Variants in ADGRB3 observed in about 807,000 individuals in gnomAD.
The protein encoded by ADGRB3 is brain-specific angiogenesis inhibitor 3.
In ADGRB3, 37 loss-of-function variants were observed where a neutral mutation model predicts 193.4. The observed-to-expected ratio is 0.19, with a 90% CI of 0.15 to 0.25. The LOEUF is 0.25. Ranked by LOEUF, ADGRB3 falls within the 10% of genes least tolerant of loss-of-function variation. The pLI is 1.00. For synonymous variants in ADGRB3, 690 were observed against 644.2 expected, an observed-to-expected ratio of 1.07 and a Z score of -1.08; for missense variants, 1,637 against 1,852.9, an observed-to-expected ratio of 0.88 and a Z score of 2.14.
At position 68,904,870 on chromosome 6, in the gene ADGRB3, A is replaced by G. The variant is rs1038181630; in HGVS notation, c.758-25689A>G. On this transcript the variant is annotated intron_variant, in intron 3 of 31. Coordinates refer to ENST00000370598, the MANE Select transcript of ADGRB3 (RefSeq NM_001704.3). Reference sequence around the variant, plus strand: ...ATTCCTTCAATAAACACCCAATCTAATGAAGCTTTATTATGATTTTCATCA... The same window carrying G: ...ATTCCTTCAATAAACACCCAATCTAGTGAAGCTTTATTATGATTTTCATCA... Among the ~76,000 whole-genome samples the G allele has an allele frequency of 4.6e-5, 7 of 152,152 alleles. 1 individual carries two copies. The highest frequency in any genetic ancestry group is 4.6e-4 in the Admixed American group (7 of 15,250).
chr6:68,971,788 A>G (rs1768578698), intron 8 of ADGRB3, among the ~76,000 whole-genome samples: 1 of 152,254 alleles, frequency 6.6e-6, no homozygotes, highest in East Asian at 1.9e-4. Context: ...AACATTTACT[A>G]ACTTTTCTTC....
chr6:68,902,946 G>A (rs1766438537), intron 3 of ADGRB3, among the ~76,000 whole-genome samples: 1 of 152,056 alleles, frequency 6.6e-6, no homozygotes. Flanking sequence ...TCTGATTATG[G>A]AATGTAGAAA....
chr6:69,076,864 T>C (rs1772247290), intron 17 of ADGRB3, among the ~76,000 whole-genome samples: 1 of 151,986 alleles, frequency 6.6e-6, no homozygotes, highest in Non-Finnish European at 1.5e-5. Flanking sequence ...ACTGTATGTA[T>C]TCTAAGAATT....
intron 3 of ADGRB3, among the ~76,000 whole-genome samples, chr6:68,768,063 A>G (rs903791342): frequency 1.3e-5 from 2 of 152,302 alleles, no homozygotes; most frequent in African/African-American, 4.8e-5. Context: ...TGGAAAAAAC[A>G]TTCTATTCTC....
At chr6:69,167,221 T>C (rs1438700594) in intron 17 of ADGRB3, among the ~76,000 whole-genome samples, 1 of 152,140 alleles carries the variant, frequency 6.6e-6, no homozygotes, top group African/African-American at 2.4e-5. Flanking sequence ...GCCTATAGTA[T>C]AGAGAGAAAT....
intron 17 of ADGRB3, among the ~76,000 whole-genome samples, chr6:69,078,452 TTAAA>T (rs892764490): frequency 1.3e-5 from 2 of 152,058 alleles, no homozygotes; most frequent in African/African-American, 4.8e-5. Context: ...CACACTATTT[TTAAA>T]TAAATGTTTT....
intron 17 of ADGRB3, among the ~76,000 whole-genome samples, chr6:69,223,029 A>G (rs1258079238): frequency 6.6e-6 from 1 of 152,002 alleles, no homozygotes; most frequent in Non-Finnish European, 1.5e-5. Context: ...TCGTGCAGCC[A>G]CTCCACCCAT....
At chr6:68,946,914 T>A (rs1276450765) in intron 6 of ADGRB3, among the ~76,000 whole-genome samples, 2 of 152,164 alleles carry the variant, frequency 1.3e-5, no homozygotes, top group Admixed American at 1.3e-4. Flanking sequence ...GATATATACC[T>A]ATAAGTAGAT....
At chr6:69,087,661 T>G (rs905997698) in intron 17 of ADGRB3, among the ~76,000 whole-genome samples, 4 of 152,150 alleles carry the variant, frequency 2.6e-5, no homozygotes, top group East Asian at 1.9e-4. Context: ...GATACTTTGT[T>G]ATAGCAGCCC....
intron 3 of ADGRB3, among the ~76,000 whole-genome samples, chr6:68,661,767 A>G (rs1768668086): frequency 6.6e-6 from 1 of 150,814 alleles, no homozygotes; most frequent in African/African-American, 2.4e-5. Context: ...GCAAATAGTT[A>G]TCATGAAGGA....
At chr6:69,073,633 C>T (rs1772143928) in intron 16 of ADGRB3, among the ~76,000 whole-genome samples, 1 of 152,114 alleles carries the variant, frequency 6.6e-6, no homozygotes, top group African/African-American at 2.4e-5. Context: ...ATGTTGTGAA[C>T]CTCCCAAGGC....
chr6:69,216,374 A>C (rs1582552445), intron 17 of ADGRB3, among the ~76,000 whole-genome samples: 2 of 152,318 alleles, frequency 1.3e-5, no homozygotes, highest in African/African-American at 4.8e-5. Context: ...CAAGTAATGT[A>C]ATTTGAAGGG....
chr6:68,870,799 C>A (rs1430352505), intron 3 of ADGRB3, among the ~76,000 whole-genome samples: 1 of 152,098 alleles, frequency 6.6e-6, no homozygotes, highest in Non-Finnish European at 1.5e-5. Flanking sequence ...TTTCATGAGG[C>A]TAGACCAGTA....
intron 20 of ADGRB3, among the ~76,000 whole-genome samples, chr6:69,319,267 C>G (rs1316359091): frequency 6.6e-6 from 1 of 150,998 alleles, no homozygotes; most frequent in African/African-American, 2.4e-5. Context: ...AAGCTTTTTC[C>G]TCCAAAAGGT....
chr6:69,210,170 A>G (rs7765847), intron 17 of ADGRB3, among the ~76,000 whole-genome samples: 2 of 131,780 alleles, frequency 1.5e-5, no homozygotes, highest in African/African-American at 3.0e-5. Flanking sequence ...ATATATATAT[A>G]AAGGGGAGTT....
At chr6:68,846,810 C>T (rs1247739913) in intron 3 of ADGRB3, among the ~76,000 whole-genome samples, 1 of 148,812 alleles carries the variant, frequency 6.7e-6, no homozygotes, top group Non-Finnish European at 1.5e-5. Context: ...AGAGCCCTCA[C>T]ACAGAGTCCC....
chr6:69,368,584 T>C (rs1054061638), intron 29 of ADGRB3, among the ~76,000 whole-genome samples: 1 of 152,066 alleles, frequency 6.6e-6, no homozygotes, highest in African/African-American at 2.4e-5. Flanking sequence ...GAATGAATTA[T>C]GGTATCCAGA....
chr6:69,372,566 T>C, intron 30 of ADGRB3, 125 bp downstream of exon 30: 1 of 406,532 alleles, frequency 2.5e-6, no homozygotes. Context: ...ATTAAATAAG[T>C]CAAACATTTT....
intron 13 of ADGRB3, among the ~76,000 whole-genome samples, chr6:69,038,112 G>A (rs969910924): frequency 3.9e-5 from 6 of 152,126 alleles, no homozygotes; most frequent in African/African-American, 1.4e-4. Context: ...GAATTCTTCT[G>A]TCTACAATGA....
Sources: allele counts gnomAD v4.1 joint callset (sites outside exome capture counted in the v4.1 genomes callset), GRCh38; gene constraint gnomAD v4.1.1; transcripts MANE v1.5; gene names NCBI Gene and HGNC (gene_info 2026-07-23, HGNC 2026-07-21).